The following NOP14 variants were observed in gnomAD, a reference collection of about 807,000 sequenced individuals.
The protein encoded by NOP14 is NOP14 nucleolar protein, also known as nucleolar protein 14.
In NOP14, 57 loss-of-function variants were observed where a neutral mutation model predicts 101.6. The ratio of observed to expected loss-of-function variants is 0.56; its 90% CI spans 0.45 to 0.70. The LOEUF is 0.70. Among genes scored for constraint, NOP14 ranks in the 30% least tolerant of loss-of-function variants. NOP14 has a pLI of 0.00. For missense variants in NOP14, 1,134 were observed against 1,075.5 expected, an observed-to-expected ratio of 1.05 and a Z score of -0.76; for synonymous variants, 428 against 424.0, an observed-to-expected ratio of 1.01 and a Z score of -0.12.
intron 1 of NOP14, among the ~76,000 whole-genome samples, chr4:2,961,082 AT>A (rs1715812586): frequency 9.0e-6 from 1 of 111,260 alleles, no homozygotes; most frequent in South Asian, 2.5e-4. Flanking sequence ...TACTATATTA[AT>A]ATTATAATAA....
intron 10 of NOP14, 139 bp downstream of exon 10, chr4:2,947,387 G>T: frequency 1.5e-6 from 1 of 663,578 alleles, no homozygotes; most frequent in Non-Finnish European, 2.6e-6. Context: ...AGCCCTGGGT[G>T]ACCACCTGCC....
rs1049432527 is a variant in NOP14 at position 2,938,824 on chromosome 4, A to G, written c.*7T>C. 1.9e-6 allele frequency: 3 copies of G among 1,606,818 alleles called. No individual in the cohort carries two copies. The highest frequency in any genetic ancestry group is 2.6e-6 in the Non-Finnish European group (3 of 1,173,778). On this transcript the variant is annotated 3_prime_UTR_variant, in exon 18 of 18. Coordinates refer to ENST00000416614, the MANE Select transcript of NOP14 (RefSeq NM_001291978.2). ...TCCAGTTCCTTGCCTTATTTATAAA[A>G]TGTAATTTATTTTTTGAACTTTTTC...
rs751877384 is a variant in NOP14, at chr4:2,938,969, G to A, written c.2475-39C>T. On this transcript the variant is annotated intron_variant, in intron 17 of 17. Coordinates refer to ENST00000416614, the MANE Select transcript of NOP14 (RefSeq NM_001291978.2). Reference sequence around the variant, plus strand: ...AAGGCAAATGCCCATTTTTGGATTAGTTCTTGGAGAGCATCTTGCCCTCTC... The same window carrying A: ...AAGGCAAATGCCCATTTTTGGATTAATTCTTGGAGAGCATCTTGCCCTCTC... The A allele has an allele frequency of 5.1e-6, 8 of 1,581,572 alleles. No homozygotes were observed. The South Asian group carries it at 7.7e-5, about 15-fold the overall frequency.
intron 3 of NOP14, among the ~76,000 whole-genome samples, chr4:2,955,044 C>CCCCTCTAGTCACCTGCACGCCACGGCGCT (rs1715251627): frequency 6.9e-6 from 1 of 144,718 alleles, no homozygotes; most frequent in African/African-American, 2.6e-5. Flanking sequence ...GCCACGGCGC[C>CCCCTCTAGTCACCTGCACGCCACGGCGCT]CCCTCTAGTC....
chr4:2,950,252 C>G, intron 7 of NOP14, 39 bp from the exon 8 acceptor site: 1 of 1,603,532 alleles, frequency 6.2e-7, no homozygotes, highest in Non-Finnish European at 8.5e-7. Flanking sequence ...TGAGGACAGG[C>G]GGAGACAACG....
At chr4:2,953,728 C>T in intron 4 of NOP14, 83 bp from the exon 5 acceptor site, 1 of 1,506,064 alleles carries the variant, frequency 6.6e-7, no homozygotes, top group Non-Finnish European at 9.1e-7. Flanking sequence ...GCCAAGGACA[C>T]ACACAGTGAT....
chr4:2,939,430 T>A, intron 16 of NOP14, 87 bp from the exon 17 acceptor site: 3 of 1,595,352 alleles, frequency 1.9e-6, no homozygotes, highest in Non-Finnish European at 2.6e-6. Context: ...CTTCACTCCG[T>A]AGTCATCTGC....
intron 12 of NOP14, 114 bp downstream of exon 12, chr4:2,945,014 G>T: frequency 1.4e-6 from 1 of 704,664 alleles, no homozygotes; most frequent in Non-Finnish European, 2.4e-6. Flanking sequence ...GCAGTGCTCG[G>T]TCTCTGCAGC....
At chr4:2,942,843 A>ATG (rs1714314641) in intron 13 of NOP14, among the ~76,000 whole-genome samples, 4 of 114,330 alleles carry the variant, frequency 3.5e-5, no homozygotes, top group African/African-American at 1.3e-4. Context: ...GGCCTGTAGG[A>ATG]CGCAGGAGTC....
chr4:2,963,260 C>T lies in NOP14; in HGVS notation c.60G>A (p.Ala20=), dbSNP rs759183397. 1.3e-6 allele frequency: 2 copies of T among 1,591,076 alleles called. No individual in the cohort carries two copies. The highest frequency in any genetic ancestry group is 1.8e-5 in the Admixed American group (1 of 56,526). ...RRKASGAPAG[A]RGGPAKANSN... ...AGTTGGCCTTCGCCGGGCCCCCTCGCGCTCCCGCCGGCGCCCCGGAGGCCT... is the reference window on the plus strand; with the variant it reads ...AGTTGGCCTTCGCCGGGCCCCCTCGTGCTCCCGCCGGCGCCCCGGAGGCCT... The change falls in exon 1 of 18, where the codon GCG becomes GCA. Residue 20 remains alanine, a synonymous_variant. Coordinates refer to ENST00000416614, the MANE Select transcript of NOP14 (RefSeq NM_001291978.2).
rs1560310794 is a variant in NOP14 at position 2,960,764 on chromosome 4, T to TATTAATATATTAATATTATAATCAC, written c.195+2336_195+2360dup. Among the ~76,000 whole-genome samples the TATTAATATATTAATATTATAATCAC allele has an allele frequency of 6.5e-4, 58 of 89,382 alleles. 1 individual carries two copies. Among genetic ancestry groups the TATTAATATATTAATATTATAATCAC allele is most frequent in the African/African-American group, 7.3e-4 (17 of 23,318 alleles). The allele number at this position is 89,382 out of a possible 152,430, so 58.6% of individuals were successfully genotyped here. On this transcript the variant is annotated intron_variant, in intron 1 of 17. Coordinates refer to ENST00000416614, the MANE Select transcript of NOP14 (RefSeq NM_001291978.2). ...TATATTAATATTATAATCACATTAA[T>TATTAATATATTAATATTATAATCAC]ATTAATATATTAATATTATAATCAC...
chr4:2,939,694 C>T, intron 15 of NOP14, 49 bp from the exon 16 acceptor site: 1 of 1,382,068 alleles, frequency 7.2e-7, no homozygotes, highest in Non-Finnish European at 1.0e-6. Flanking sequence ...CTGCTGCGTG[C>T]CCTGAGCTCC....
At chr4:2,945,042 C>T (rs896293140) in intron 12 of NOP14, 86 bp downstream of exon 12, 71 of 908,738 alleles carry the variant, frequency 7.8e-5, no homozygotes, top group Non-Finnish European at 1.1e-4. Flanking sequence ...CAGCCACACT[C>T]ATGTTCCACA....
In NOP14 at chr4:2,963,212, A is replaced by G; in HGVS notation, c.108T>C (p.Val36=). The part of the protein sequence containing the change: ...KANSNPFEVK[V]NRQKFQILGR... Reference sequence around the variant, plus strand: ...CCAGGATCTGGAACTTCTGCCTGTTAACTTTCACCTCGAACGGATTGGAGT... The same window carrying G: ...CCAGGATCTGGAACTTCTGCCTGTTGACTTTCACCTCGAACGGATTGGAGT... Residue 36 remains valine, a synonymous_variant, in exon 1 of 18, where the codon GTT becomes GTC. Transcript: ENST00000416614. 1 of 1,589,342 alleles carries G rather than the reference A, an allele frequency of 6.3e-7. No individual in the cohort carries two copies. The highest frequency in any genetic ancestry group is 8.5e-7 in the Non-Finnish European group (1 of 1,170,064).
At chr4:2,963,095 C>T in intron 1 of NOP14, 30 bp downstream of exon 1, 1 of 1,511,436 alleles carries the variant, frequency 6.6e-7, no homozygotes, top group Non-Finnish European at 8.8e-7. Context: ...CAGATCCTGC[C>T]TTCCGGCTCC....
At chr4:2,955,824 G>A (rs528323365) in intron 3 of NOP14, among the ~76,000 whole-genome samples, 7 of 152,194 alleles carry the variant, frequency 4.6e-5, no homozygotes, top group Admixed American at 1.3e-4. Flanking sequence ...CTGGTGTGCC[G>A]CAGATGGCGG....
intron 1 of NOP14, among the ~76,000 whole-genome samples, chr4:2,961,087 ATAATAATATATTAATATTT>A (rs1386285454): frequency 0.39 from 38,179 of 96,756 alleles, 8,641 homozygotes; most frequent in African/African-American, 0.56. Flanking sequence ...TATTAATATT[ATAATAATATATTAATATTT>A]TAATAATATA....
chr4:2,938,093 A>T lies in NOP14; in HGVS notation c.*738T>A. The T allele has an allele frequency of 3.5e-6, 3 of 850,948 alleles. No individual in the cohort carries two copies. The highest frequency in any genetic ancestry group is 4.9e-6 in the Non-Finnish European group (3 of 610,730). 52.7% of individuals were successfully genotyped at this position (850,948 alleles called of 1,614,324 possible). A position where few individuals can be genotyped will look rare whatever the true frequency, so the allele number is the denominator to read the frequency against. On this transcript the variant is annotated 3_prime_UTR_variant, in exon 18 of 18. Coordinates refer to ENST00000416614, the MANE Select transcript of NOP14 (RefSeq NM_001291978.2). Reference sequence around the variant, plus strand: ...ACCAGTCGCAGCTGATAACACACAGACCATTCCCGATCCCAGAGGTGCATT... The same window carrying T: ...ACCAGTCGCAGCTGATAACACACAGTCCATTCCCGATCCCAGAGGTGCATT...
intron 1 of NOP14, 61 bp downstream of exon 1, chr4:2,963,064 G>T: frequency 6.9e-7 from 1 of 1,441,030 alleles, no homozygotes; most frequent in South Asian, 1.4e-5. Context: ...GGACGCAGCC[G>T]GCCGAGAGCA....
Sources: gnomAD v4.1 joint callset for allele counts (sites outside exome capture counted in the v4.1 genomes callset) on GRCh38, gnomAD v4.1.1 for gene constraint, MANE v1.5 for transcripts, NCBI Gene and HGNC (gene_info 2026-07-23, HGNC 2026-07-21) for gene names.